Variants in URI1 observed in about 807,000 individuals in gnomAD.
The protein encoded by URI1 is URI1 prefoldin like chaperone.
URI1 carries 39 observed loss-of-function variants against 60.2 expected under a neutral mutation model. That is an observed-to-expected ratio of 0.65 (90% confidence interval 0.50 to 0.85). URI1 has a LOEUF of 0.85. Among genes scored for constraint, URI1 ranks in the 40% least tolerant of loss-of-function variants. The pLI is 0.00. For missense variants in URI1, 691 were observed against 665.9 expected (o/e 1.04, Z -0.42); for synonymous variants, 251 against 236.8 (o/e 1.06, Z -0.55).
intron 4 of URI1, among the ~76,000 whole-genome samples, chr19:29,987,682 A>C (rs1422142902): frequency 6.6e-6 from 1 of 152,184 alleles, no homozygotes; most frequent in Non-Finnish European, 1.5e-5. Flanking sequence ...AAAAATCTTT[A>C]TAATTAGTTA....
intron 2 of URI1, among the ~76,000 whole-genome samples, chr19:29,974,820 A>G (rs1700153634): frequency 6.6e-6 from 1 of 152,194 alleles, no homozygotes; most frequent in African/African-American, 2.4e-5. Flanking sequence ...GCTCCCACTT[A>G]TAAGTGAGAA....
intron 6 of URI1, among the ~76,000 whole-genome samples, chr19:30,006,469 A>T (rs934774862): frequency 1.3e-5 from 2 of 152,102 alleles, no homozygotes; most frequent in Non-Finnish European, 2.9e-5. Flanking sequence ...GTGGCTTTAG[A>T]AGGTGAAATA....
At chr19:29,947,217 A>G (rs1345527415) in intron 1 of URI1, among the ~76,000 whole-genome samples, 1 of 152,228 alleles carries the variant, frequency 6.6e-6, no homozygotes, top group Non-Finnish European at 1.5e-5. Flanking sequence ...ATGTGTTTTG[A>G]GGCTGATCTT....
chr19:29,953,599 G>C (rs1388604979), intron 1 of URI1, among the ~76,000 whole-genome samples: 1 of 152,086 alleles, frequency 6.6e-6, no homozygotes, highest in Non-Finnish European at 1.5e-5. Flanking sequence ...CCTAGGCAAT[G>C]CAGTAGACAA....
chr19:29,992,071 CT>C (rs997892865), intron 4 of URI1, among the ~76,000 whole-genome samples: 46 of 151,758 alleles, frequency 3.0e-4, no homozygotes, highest in African/African-American at 8.7e-4. Context: ...AAGTGGGTTT[CT>C]TTTTTTTGTT....
At chr19:29,985,844 T>G (rs531304819) in intron 3 of URI1, among the ~76,000 whole-genome samples, 9 of 152,340 alleles carry the variant, frequency 5.9e-5, no homozygotes, top group Non-Finnish European at 1.0e-4. Flanking sequence ...GCTAGATAGA[T>G]CCATTAAAGC....
intron 1 of URI1, among the ~76,000 whole-genome samples, chr19:29,970,864 G>A (rs2055450527): frequency 6.6e-6 from 1 of 152,014 alleles, no homozygotes; most frequent in African/African-American, 2.4e-5. Flanking sequence ...TACAAAATAT[G>A]TAATATTGAA....
intron 2 of URI1, among the ~76,000 whole-genome samples, chr19:29,973,406 C>T (rs1226785183): frequency 2.0e-5 from 3 of 152,110 alleles, no homozygotes; most frequent in African/African-American, 7.2e-5. Context: ...CCTACTTAAC[C>T]CTTGGTATTA....
chr19:29,971,167 T>C (rs2055454592), intron 1 of URI1, 26 bp from the exon 2 acceptor site: 5 of 1,611,408 alleles, frequency 3.1e-6, no homozygotes, highest in Non-Finnish European at 4.2e-6. Flanking sequence ...TGTTTTTTCA[T>C]GAGTAGTTAT....
upstream of URI1, among the ~76,000 whole-genome samples, chr19:29,939,025 T>G (rs1281180560): frequency 6.8e-6 from 1 of 147,234 alleles, no homozygotes; most frequent in Non-Finnish European, 1.5e-5. Context: ...TTGCCCAGGC[T>G]GGGGTGCAAT....
In URI1 at chr19:29,986,285, C is replaced by A; in HGVS notation, c.235C>A (p.Pro79Thr). Residue 79 changes from proline (P) to threonine (T), a missense_variant, in exon 4 of 11, where the codon CCA (proline) becomes ACA (threonine). By Grantham distance (38) the Pro-to-Thr change is conservative. Coordinates refer to ENST00000392271, the MANE Select transcript of URI1 (RefSeq NM_003796.3). Reference protein sequence around the residue: ...PDKLSYNIMVPFGPFAFMPGK... With the variant: ...PDKLSYNIMVTFGPFAFMPGK... ...TTTCTTTTTTTTTAAACAATAGGTA[C>A]CATTTGGCCCTTTTGCCTTCATGCC... 1 of 1,580,438 alleles carries A rather than the reference C, an allele frequency of 6.3e-7. No individual in the cohort carries two copies. Among genetic ancestry groups the A allele is most frequent in the Non-Finnish European group, 8.5e-7 (1 of 1,170,550 alleles).
intron 1 of URI1, among the ~76,000 whole-genome samples, chr19:29,949,961 T>TA (rs2055159398): frequency 6.7e-6 from 1 of 149,706 alleles, no homozygotes; most frequent in South Asian, 2.1e-4. Context: ...AGAGGTTACT[T>TA]ATTTTTTAAG....
chr19:29,974,502 G>C (rs537117493), intron 2 of URI1, among the ~76,000 whole-genome samples: 16 of 152,134 alleles, frequency 1.1e-4, no homozygotes, highest in African/African-American at 3.9e-4. Flanking sequence ...GTACTCATCA[G>C]TCGGCTTTGA....
At chr19:29,963,721 T>C (rs2055354849) in intron 1 of URI1, among the ~76,000 whole-genome samples, 1 of 152,190 alleles carries the variant, frequency 6.6e-6, no homozygotes, top group Non-Finnish European at 1.5e-5. Flanking sequence ...AAAAGGCGCG[T>C]CCTTTCTTCT....
At chr19:29,954,488 T>TCTTA (rs890675589) in intron 1 of URI1, among the ~76,000 whole-genome samples, 1 of 151,092 alleles carries the variant, frequency 6.6e-6, no homozygotes, top group Admixed American at 6.6e-5. Context: ...CCATTCCTGC[T>TCTTA]CTTACTTACC....
chr19:29,989,605 TAG>T (rs1305821676), intron 4 of URI1, among the ~76,000 whole-genome samples: 1 of 151,884 alleles, frequency 6.6e-6, no homozygotes, highest in Non-Finnish European at 1.5e-5. Context: ...GTATTTTTAG[TAG>T]AGACAGGGTT....
chr19:30,009,162 G>A lies in URI1; in HGVS notation c.844G>A (p.Val282Met). Reference protein sequence around the residue: ...VASSEPFSGQVNSQLNCSVNG... With the variant: ...VASSEPFSGQMNSQLNCSVNG... ...AAGTTCAGAACCATTCAGTGGTCAA[G>A]TGAATAGTCAGTTGAACTGTTCAGT... The change falls in exon 8 of 11, where the codon GTG (valine) becomes ATG (methionine). Residue 282 changes from valine (V) to methionine (M), a missense_variant. Val to Met is a conservative substitution (Grantham distance 21). Coordinates refer to ENST00000392271, the MANE Select transcript of URI1 (RefSeq NM_003796.3). 6.2e-7 allele frequency: 1 copy of A among 1,613,976 alleles called. No individual in the cohort carries two copies. Among genetic ancestry groups the A allele is most frequent in the Non-Finnish European group, 8.5e-7 (1 of 1,179,962 alleles).
Position 29,932,933 on chromosome 19 carries a change from G to A in URI1, c.63+9179G>A, listed in dbSNP as rs182914213. Among the ~76,000 whole-genome samples the A allele has an allele frequency of 3.2e-3, 482 of 152,310 alleles. 1 individual carries two copies. The highest frequency in any genetic ancestry group is 0.011 in the African/African-American group (468 of 41,564). ...CTCCCAAAGTGCTGGGATTACAGGTGTGAGCCACCACACCCGGACTACATC... is the reference window on the plus strand; with the variant it reads ...CTCCCAAAGTGCTGGGATTACAGGTATGAGCCACCACACCCGGACTACATC... On this transcript the variant is annotated intron_variant, in intron 1 of 10. Transcript: ENST00000360605.
rs529745212 is a variant in URI1 at position 30,001,221 on chromosome 19, C to T, written c.368-4140C>T. On this transcript the variant is annotated intron_variant, in intron 4 of 10. Coordinates refer to ENST00000392271, the MANE Select transcript of URI1 (RefSeq NM_003796.3). Reference sequence around the variant, plus strand: ...ATCCTTGGCTAACCATTTATACTTGCGTTGAGTACTGTCAGGAAGCTCTGT... The same window carrying T: ...ATCCTTGGCTAACCATTTATACTTGTGTTGAGTACTGTCAGGAAGCTCTGT... 1.1e-3 allele frequency among the ~76,000 whole-genome samples: 165 copies of T among 151,912 alleles called. 1 individual carries two copies. Among genetic ancestry groups the T allele is most frequent in the Admixed American group, 1.1e-3 (17 of 15,242 alleles).
Sources: allele counts gnomAD v4.1 joint callset (sites outside exome capture counted in the v4.1 genomes callset), GRCh38; gene constraint gnomAD v4.1.1; transcripts MANE v1.5; gene names NCBI Gene and HGNC (gene_info 2026-07-23, HGNC 2026-07-21).